GBE1: variants seen among roughly 807,000 people sequenced by gnomAD.
GBE1 encodes the protein 1,4-alpha-glucan-branching enzyme.
GBE1 carries 70 observed loss-of-function variants against 88.8 expected under a neutral mutation model. The ratio of observed to expected loss-of-function variants is 0.79; its 90% CI spans 0.65 to 0.96. The LOEUF (loss-of-function observed/expected upper bound fraction) is 0.96. GBE1 is among the 40% of genes least tolerant of loss of function. The pLI is 0.00. For synonymous variants in GBE1, 284 were observed against 300.1 expected (o/e 0.95, Z 0.56); for missense variants, 872 against 871.0 (o/e 1.00, Z -0.01).
chr3:81,662,634 A>G (rs1216951649), intron 3 of GBE1, among the ~76,000 whole-genome samples: 5 of 151,706 alleles, frequency 3.3e-5, no homozygotes, highest in African/African-American at 7.3e-5. Context: ...CATCACATCA[A>G]TCATTTTGCC....
chr3:81,714,639 A>G (rs1705916877), intron 1 of GBE1, among the ~76,000 whole-genome samples: 1 of 152,146 alleles, frequency 6.6e-6, no homozygotes, highest in African/African-American at 2.4e-5. Context: ...GACTGGCCCT[A>G]TAGAGGTTGT....
intron 7 of GBE1, chr3:81,613,054 A>G: frequency 1.5e-6 from 1 of 682,004 alleles, no homozygotes; most frequent in Non-Finnish European, 2.2e-6. Flanking sequence ...GAGGAAAGAG[A>G]GGAGGATGAA....
intron 1 of GBE1, among the ~76,000 whole-genome samples, chr3:81,725,001 C>T (rs1160237545): frequency 1.3e-5 from 2 of 152,122 alleles, no homozygotes; most frequent in African/African-American, 4.8e-5. Flanking sequence ...TTTTTGGACA[C>T]AAGGCCTACA....
intron 2 of GBE1, among the ~76,000 whole-genome samples, chr3:81,694,546 A>T (rs1332990844): frequency 6.6e-6 from 1 of 152,136 alleles, no homozygotes; most frequent in African/African-American, 2.4e-5. Context: ...AGTGCTACCC[A>T]CTAAACCAAC....
At chr3:81,669,958 C>G (rs1705166932) in intron 3 of GBE1, among the ~76,000 whole-genome samples, 1 of 152,012 alleles carries the variant, frequency 6.6e-6, no homozygotes, top group Non-Finnish European at 1.5e-5. Context: ...ATTTAAGTAA[C>G]TCTGAGTTAA....
intron 3 of GBE1, 188 bp from the exon 4 acceptor site, chr3:81,650,109 T>C (rs1396695513): frequency 4.5e-6 from 2 of 441,880 alleles, no homozygotes; most frequent in African/African-American, 2.1e-5. Context: ...TGTTACTATA[T>C]CATCCTTAAA....
At chr3:81,529,844 T>C (rs1255816970) in intron 14 of GBE1, among the ~76,000 whole-genome samples, 1 of 152,028 alleles carries the variant, frequency 6.6e-6, no homozygotes, top group Non-Finnish European at 1.5e-5. Context: ...TCCTTGAGTA[T>C]TGATATCTTT....
chr3:81,517,669 T>A (rs1702814713), intron 14 of GBE1, among the ~76,000 whole-genome samples: 1 of 151,512 alleles, frequency 6.6e-6, no homozygotes, highest in African/African-American at 2.4e-5. Flanking sequence ...TATAATAATA[T>A]ATTAATTGTG....
intron 7 of GBE1, among the ~76,000 whole-genome samples, chr3:81,618,220 T>C (rs1704276791): frequency 6.6e-6 from 1 of 152,126 alleles, no homozygotes; most frequent in Admixed American, 6.5e-5. Context: ...TTGATCATCA[T>C]TCTAGAAGAA....
intron 1 of GBE1, among the ~76,000 whole-genome samples, chr3:81,706,911 T>C (rs912016330): frequency 7.9e-5 from 12 of 151,718 alleles, no homozygotes; most frequent in African/African-American, 2.9e-4. Context: ...AATTATTAAA[T>C]GAATAAATAA....
chr3:81,498,596 T>C (rs1465899225), intron 15 of GBE1, among the ~76,000 whole-genome samples: 1 of 152,158 alleles, frequency 6.6e-6, no homozygotes, highest in Non-Finnish European at 1.5e-5. Flanking sequence ...TTCAGTAATA[T>C]AAAAAATCCA....
At chr3:81,572,665 C>T (rs1306197253) in intron 12 of GBE1, among the ~76,000 whole-genome samples, 1 of 152,080 alleles carries the variant, frequency 6.6e-6, no homozygotes, top group East Asian at 1.9e-4. Context: ...TTTAAAACAT[C>T]TGTACATGTT....
Position 81,536,683 on chromosome 3 carries a change from G to T in GBE1, c.1803+228C>A, listed in dbSNP as rs148476872. Among the ~76,000 whole-genome samples, 170 of 152,042 alleles carry T rather than the reference G, an allele frequency of 1.1e-3. 1 individual carries two copies. The highest frequency in any genetic ancestry group is 3.3e-3 in the African/African-American group (137 of 41,520). ...AAATACAAATTACTAAATTTAAACAGTAACAAACAAACCAGGAAACTAAGC... is the reference window on the plus strand; with the variant it reads ...AAATACAAATTACTAAATTTAAACATTAACAAACAAACCAGGAAACTAAGC... On this transcript the variant is annotated intron_variant, in intron 13 of 15. Coordinates refer to ENST00000429644, the MANE Select transcript of GBE1 (RefSeq NM_000158.4).
chr3:81,648,646 A>G (rs1704802129), intron 5 of GBE1, among the ~76,000 whole-genome samples: 1 of 152,086 alleles, frequency 6.6e-6, no homozygotes, highest in African/African-American at 2.4e-5. Flanking sequence ...AATTGGAATA[A>G]TATCTTTAAT....
intron 3 of GBE1, among the ~76,000 whole-genome samples, chr3:81,659,600 G>A (rs1039748789): frequency 3.4e-5 from 5 of 148,962 alleles, no homozygotes; most frequent in African/African-American, 5.0e-5. Context: ...CGCCCACCTC[G>A]GCCTCCCAAA....
Position 81,581,238 on chromosome 3 carries a change from C to T in GBE1, c.1373G>A (p.Gly458Asp). The change falls in exon 11 of 16, where the codon GGC (glycine) becomes GAC (aspartate). Residue 458 changes from glycine (G) to aspartate (D), a missense_variant. Transcript: ENST00000429644. ...GTTTGTGAGCGTGTATACTATATCGCCCATGTTCCAGTCTTCATCTTTAAA... is the reference window on the plus strand; with the variant it reads ...GTTTGTGAGCGTGTATACTATATCGTCCATGTTCCAGTCTTCATCTTTAAA... ...KEFKDEDWNM[G>D]DIVYTLTNRR... 6.2e-7 allele frequency: 1 copy of T among 1,600,990 alleles called. No individual in the cohort carries two copies. Among genetic ancestry groups the T allele is most frequent in the South Asian group, 1.1e-5 (1 of 87,634 alleles).
chr3:81,735,778 C>T (rs1214858516), intron 1 of GBE1, among the ~76,000 whole-genome samples: 1 of 152,096 alleles, frequency 6.6e-6, no homozygotes, highest in East Asian at 1.9e-4. Context: ...TCAGTCTCAC[C>T]TTCAATCAAG....
intron 14 of GBE1, among the ~76,000 whole-genome samples, chr3:81,506,519 A>G (rs1702656601): frequency 6.6e-6 from 1 of 152,200 alleles, no homozygotes; most frequent in Non-Finnish European, 1.5e-5. Flanking sequence ...GTGATTACTC[A>G]AAGACCTAAA....
rs934880816 is a variant in GBE1 at position 81,620,437 on chromosome 3, C to T, written c.992+22344G>A. ...GACCTCGTAATCCGCCCGCCTCGGC[C>T]TCCCAAGACATGGAAATAATTTTTA... is the stretch of plus-strand genomic sequence containing the variant. On this transcript the variant is annotated intron_variant, in intron 7 of 15. Coordinates refer to ENST00000429644, the MANE Select transcript of GBE1 (RefSeq NM_000158.4). 3.9e-5 allele frequency among the ~76,000 whole-genome samples: 6 copies of T among 151,998 alleles called. No homozygotes were observed. The South Asian group carries it at 1.0e-3, about 26-fold the overall frequency.
Sources: gnomAD v4.1 joint callset for allele counts (sites outside exome capture counted in the v4.1 genomes callset) on GRCh38, gnomAD v4.1.1 for gene constraint, MANE v1.5 for transcripts, NCBI Gene and HGNC (gene_info 2026-07-23, HGNC 2026-07-21) for gene names.